PRKG1: variants seen among roughly 807,000 people sequenced by gnomAD.
PRKG1 encodes protein kinase cGMP-dependent 1.
Under a neutral mutation model 88.1 loss-of-function variants are expected in PRKG1, and 35 were observed. The observed-to-expected ratio is 0.40, with a 90% CI of 0.30 to 0.53. The LOEUF is 0.53. Among genes scored for constraint, PRKG1 ranks in the 20% least tolerant of loss-of-function variants. PRKG1 has a pLI of 0.59. For missense variants in PRKG1, 540 were observed against 839.8 expected, an observed-to-expected ratio of 0.64 and a Z score of 4.41; for synonymous variants, 303 against 292.5, an observed-to-expected ratio of 1.04 and a Z score of -0.37.
chr10:51,282,653 T>A (rs1840330470), intron 2 of PRKG1, among the ~76,000 whole-genome samples: 1 of 152,290 alleles, frequency 6.6e-6, no homozygotes, highest in East Asian at 1.9e-4. Flanking sequence ...ACACTGCAAA[T>A]TTTAAAAACT....
At chr10:52,128,109 TGAAC>T in intron 7 of PRKG1, 3 of 985,364 alleles carry the variant, frequency 3.0e-6, no homozygotes, top group Non-Finnish European at 3.6e-6. Flanking sequence ...TTGTGCTGTG[TGAAC>T]TAAACTTAAC....
At chr10:51,968,177 C>T (rs959893116) in intron 5 of PRKG1, among the ~76,000 whole-genome samples, 5 of 152,148 alleles carry the variant, frequency 3.3e-5, no homozygotes, top group African/African-American at 1.2e-4. Context: ...ATGCCAGACC[C>T]ATGAGTTGGA....
chr10:52,127,842 G>T (rs796075519), intron 7 of PRKG1, among the ~76,000 whole-genome samples: 5 of 152,268 alleles, frequency 3.3e-5, no homozygotes, highest in African/African-American at 1.2e-4. Context: ...AATCATGGTG[G>T]AAGAGCTTCA....
At chr10:51,394,590 G>T (rs1191062336) in intron 2 of PRKG1, among the ~76,000 whole-genome samples, 1 of 152,190 alleles carries the variant, frequency 6.6e-6, no homozygotes, top group Non-Finnish European at 1.5e-5. Context: ...GCTGTTTTAA[G>T]CCCACAAAGT....
At chr10:51,894,958 T>C (rs1291780807) in intron 4 of PRKG1, among the ~76,000 whole-genome samples, 1 of 152,214 alleles carries the variant, frequency 6.6e-6, no homozygotes, top group Non-Finnish European at 1.5e-5. Flanking sequence ...CTGTTACACA[T>C]GCTGCTATAG....
chr10:52,183,222 C>T (rs1010227515), intron 9 of PRKG1, among the ~76,000 whole-genome samples: 1 of 152,192 alleles, frequency 6.6e-6, no homozygotes, highest in African/African-American at 2.4e-5. Context: ...CAGACCATAT[C>T]CTGTACCTGC....
chr10:52,231,309 G>A lies in PRKG1; in HGVS notation c.1077-20261G>A, dbSNP rs553823301. 5.3e-5 allele frequency: 8 copies of A among 152,296 alleles called. No individual in the cohort carries two copies. The East Asian group carries it at 1.4e-3, about 26-fold the overall frequency. The allele number at this position is 152,296 out of a possible 1,614,324, so 9.4% of individuals were successfully genotyped here. A position where few individuals can be genotyped will look rare whatever the true frequency, so the allele number is the denominator to read the frequency against. On this transcript the variant is annotated intron_variant, in intron 9 of 17. Transcript: ENST00000373980. ...CCAGCTACTCAGGAGGCTGAGGCAG[G>A]AGAACTGCTTGAGCCCAGGAGATCA...
chr10:51,008,294 G>GTA (rs1399921748), intron 1 of PRKG1, among the ~76,000 whole-genome samples: 1 of 152,124 alleles, frequency 6.6e-6, no homozygotes, highest in Admixed American at 6.5e-5. Context: ...AGCTTTCTAG[G>GTA]TATATACTGC....
At chr10:51,687,135 C>T (rs939304300) in intron 3 of PRKG1, among the ~76,000 whole-genome samples, 2 of 151,496 alleles carry the variant, frequency 1.3e-5, no homozygotes, top group African/African-American at 4.9e-5. Context: ...TCATTTAAGG[C>T]CAATGAAAAC....
At chr10:51,853,752 G>A (rs2132812734) in intron 4 of PRKG1, among the ~76,000 whole-genome samples, 1 of 152,188 alleles carries the variant, frequency 6.6e-6, no homozygotes, top group East Asian at 1.9e-4. Context: ...CCAAATGTGT[G>A]GTCTGGGCAT....
Position 51,442,538 on chromosome 10 carries a change from G to A in PRKG1, c.479-25185G>A, listed in dbSNP as rs1294624712. Among the ~76,000 whole-genome samples, 3 of 151,976 alleles carry A rather than the reference G, an allele frequency of 2.0e-5. No homozygotes were observed. The East Asian group carries it at 5.8e-4, about 29-fold the overall frequency. On this transcript the variant is annotated intron_variant, in intron 2 of 17. Coordinates refer to ENST00000373980, the MANE Select transcript of PRKG1 (RefSeq NM_006258.4). ...GACTGAATTTATCAATGACAGTTAA[G>A]ATGAGTGAAGAAGAGTGTATAATCT...
intron 2 of PRKG1, among the ~76,000 whole-genome samples, chr10:51,465,268 A>C (rs894631833): frequency 9.2e-5 from 14 of 151,954 alleles, no homozygotes; most frequent in Admixed American, 3.3e-4. Context: ...TTAAAAAAAA[A>C]CTCCAAAACT....
chr10:51,757,556 A>G (rs1451004663), intron 3 of PRKG1, among the ~76,000 whole-genome samples: 1 of 152,208 alleles, frequency 6.6e-6, no homozygotes, highest in East Asian at 1.9e-4. Context: ...CTACTTTACA[A>G]TTTTGTTTAA....
At chr10:51,521,268 T>C (rs903575249) in intron 3 of PRKG1, among the ~76,000 whole-genome samples, 2 of 152,166 alleles carry the variant, frequency 1.3e-5, no homozygotes, top group African/African-American at 4.8e-5. Flanking sequence ...CCAGTCTGGG[T>C]GACAGAGCGA....
chr10:52,170,548 A>T (rs1225212132), intron 9 of PRKG1, among the ~76,000 whole-genome samples: 1 of 150,800 alleles, frequency 6.6e-6, no homozygotes, highest in Non-Finnish European at 1.5e-5. Flanking sequence ...TACCACAATC[A>T]CCCCCCTCTC....
chr10:51,103,089 A>C (rs985159213), intron 1 of PRKG1, among the ~76,000 whole-genome samples: 2 of 152,018 alleles, frequency 1.3e-5, no homozygotes, highest in African/African-American at 4.8e-5. Context: ...TATGGAATTG[A>C]GAAAATCTTC....
chr10:51,295,429 A>G (rs1383738679), intron 2 of PRKG1, among the ~76,000 whole-genome samples: 1 of 152,060 alleles, frequency 6.6e-6, no homozygotes, highest in Non-Finnish European at 1.5e-5. Flanking sequence ...CCTTTTAGAT[A>G]GTTTGTTGTT....
chr10:51,787,698 C>T (rs1423670385), intron 3 of PRKG1, among the ~76,000 whole-genome samples: 3 of 152,056 alleles, frequency 2.0e-5, no homozygotes, highest in South Asian at 2.1e-4. Context: ...AAGGAGTTGG[C>T]GCAATTATGT....
At chr10:51,934,717 A>C (rs1842767495) in intron 5 of PRKG1, among the ~76,000 whole-genome samples, 1 of 152,164 alleles carries the variant, frequency 6.6e-6, no homozygotes, top group South Asian at 2.1e-4. Flanking sequence ...TAGCCTTGCC[A>C]ATTGTGGATG....
Sources: allele counts gnomAD v4.1 joint callset (sites outside exome capture counted in the v4.1 genomes callset), GRCh38; gene constraint gnomAD v4.1.1; transcripts MANE v1.5; gene names NCBI Gene and HGNC (gene_info 2026-07-23, HGNC 2026-07-21).